Variants in TSC2 observed in about 807,000 individuals in gnomAD.
TSC2 encodes the protein TSC complex subunit 2, also known as tuberin.
TSC2 carries 29 observed loss-of-function variants against 202.2 expected under a neutral mutation model. The observed-to-expected ratio is 0.14, with a 90% CI of 0.11 to 0.20. TSC2 has a LOEUF of 0.20. Among genes scored for constraint, TSC2 ranks in the 10% least tolerant of loss-of-function variants. The pLI, the probability that TSC2 is intolerant of heterozygous loss-of-function variation, is 1.00. For missense variants in TSC2, 2,429 were observed against 2,420.0 expected, an observed-to-expected ratio of 1.00 and a Z score of -0.08; for synonymous variants, 1,349 against 1,044.0, an observed-to-expected ratio of 1.29 and a Z score of -5.63.
chr16:2,078,844 C>G, intron 26 of TSC2, 188 bp from the exon 27 acceptor site: 1 of 717,028 alleles, frequency 1.4e-6, no homozygotes, highest in African/African-American at 1.7e-5. Context: ...CCCAGCGTCT[C>G]CCCGTTCTCT....
In TSC2 at chr16:2,084,323, T is replaced by G. The variant is rs2151523155; in HGVS notation, c.4101T>G (p.Gly1367=). The change falls in exon 34 of 42, where the codon GGT becomes GGG. Residue 1367 remains glycine (G), a synonymous_variant. Transcript: ENST00000219476. ...IPIERVVSSE[G]GRPSVDLSFQ... ...TCGAGCGAGTCGTCTCCTCGGAGGG[T>G]GGCCGGCCCTCTGTGGACCTCTCCT... 4 of 1,612,566 alleles carry G rather than the reference T, an allele frequency of 2.5e-6. No homozygotes were observed. Among genetic ancestry groups the G allele is most frequent in the Non-Finnish European group, 3.4e-6 (4 of 1,179,918 alleles).
chr16:2,055,957 T>G, intron 6 of TSC2: 3 of 588,702 alleles, frequency 5.1e-6, no homozygotes, highest in Non-Finnish European at 9.3e-6. Context: ...GATGTCTTGG[T>G]TATCTTTTTG....
chr16:2,089,069 CTG>C lies in TSC2; in HGVS notation c.*460_*461del. Reference sequence around the variant, plus strand: ...GGGGCAAGGGAGGATGACAAGGCCTCTGGGGTGATGAGAGTGCCTGGCAGACA... The same window carrying C: ...GGGGCAAGGGAGGATGACAAGGCCTCGGGTGATGAGAGTGCCTGGCAGACA... On this transcript the variant is annotated 3_prime_UTR_variant, in exon 42 of 42. Transcript: ENST00000219476. 5.3e-6 allele frequency: 1 copy of C among 187,252 alleles called. No individual in the cohort carries two copies. Among genetic ancestry groups the C allele is most frequent in the Non-Finnish European group, 1.1e-5 (1 of 88,774 alleles). 11.6% of individuals were successfully genotyped at this position (187,252 alleles called of 1,614,324 possible).
chr16:2,080,546 C>G lies in TSC2; in HGVS notation c.3610+169C>G. ...TGGCCCACGCTGGAACGCAGTGGCG[C>G]AATCTCGGCTCACTGCAAGCTCCAC... On this transcript the variant is annotated intron_variant, in intron 30 of 41. Coordinates refer to ENST00000219476, the MANE Select transcript of TSC2 (RefSeq NM_000548.5). The G allele has an allele frequency of 4.0e-6, 3 of 757,970 alleles. 1 individual carries two copies. The highest frequency in any genetic ancestry group is 3.7e-5 in the South Asian group (2 of 53,480). The allele number at this position is 757,970 out of a possible 1,614,324, so 47.0% of individuals were successfully genotyped here.
chr16:2,063,473 T>G, intron 14 of TSC2: 2 of 294,502 alleles, frequency 6.8e-6, no homozygotes, highest in South Asian at 3.5e-5. Flanking sequence ...CCCTCTCCAC[T>G]CCCTCCTCTG....
At chr16:2,066,227 C>G (rs2087336389) in intron 16 of TSC2, 1 of 156,052 alleles carries the variant, frequency 6.4e-6, no homozygotes, top group Admixed American at 6.1e-5. Context: ...AGTGGAATCA[C>G]ACAAAATTCA....
chr16:2,048,185 A>G (rs1436372864), intron 1 of TSC2, 120 bp downstream of exon 1: 3 of 1,535,924 alleles, frequency 2.0e-6, no homozygotes, highest in Non-Finnish European at 2.6e-6. Flanking sequence ...CCGACTCCGG[A>G]GCTCCGAGCA....
intron 26 of TSC2, chr16:2,078,539 G>A (rs2089709814): frequency 8.9e-6 from 2 of 223,856 alleles, no homozygotes; most frequent in South Asian, 6.7e-5. Flanking sequence ...ATTTGTATCA[G>A]AATGAACTCC....
intron 3 of TSC2, among the ~76,000 whole-genome samples, chr16:2,052,668 G>T (rs529945952): frequency 6.6e-6 from 1 of 152,328 alleles, no homozygotes; most frequent in East Asian, 1.9e-4. Flanking sequence ...TGAGCCTGTG[G>T]TCTGAAAGCC....
intron 14 of TSC2, 37 bp from the exon 15 acceptor site, chr16:2,064,235 G>C: frequency 6.2e-7 from 1 of 1,613,700 alleles, no homozygotes; most frequent in South Asian, 1.1e-5. Flanking sequence ...GGCCCTCGTT[G>C]GGCTGGCGCT....
intron 30 of TSC2, chr16:2,081,247 G>C (rs2090108344): frequency 2.6e-6 from 1 of 390,178 alleles, no homozygotes; most frequent in South Asian, 2.2e-5. Context: ...ACAGAGGGAG[G>C]CCTTTGCAGA....
rs1425746843 is a variant in TSC2, at chr16:2,058,926, A to G, written c.975+53A>G. On this transcript the variant is annotated intron_variant, in intron 10 of 41. Transcript: ENST00000219476. The stretch of plus-strand genomic sequence containing the variant: ...TGGCAGGAACGGGAGAGCTCCCCTC[A>G]CGCCTGCCCACCCATCCCACTGGGG... 4.4e-6 allele frequency: 7 copies of G among 1,578,106 alleles called. No individual in the cohort carries two copies. The African/African-American group carries it at 8.0e-5, about 18-fold the overall frequency.
intron 1 of TSC2, chr16:2,048,269 C>G (rs2084607804): frequency 1.6e-6 from 2 of 1,238,754 alleles, no homozygotes; most frequent in Admixed American, 2.0e-5. Flanking sequence ...TCCTGCTTCA[C>G]ATGGGTAGAG....
At chr16:2,070,679 TG>T in intron 17 of TSC2, 101 bp downstream of exon 17, 1 of 1,571,606 alleles carries the variant, frequency 6.4e-7, no homozygotes, top group South Asian at 1.2e-5. Flanking sequence ...GGCCCCAGGA[TG>T]GGGCCTCAGC....
At chr16:2,059,634 C>G (rs1217604102) in intron 10 of TSC2, among the ~76,000 whole-genome samples, 3 of 151,906 alleles carry the variant, frequency 2.0e-5, no homozygotes, top group Non-Finnish European at 4.4e-5. Context: ...ATTCTCCTGC[C>G]TCAGCCTCCT....
intron 11 of TSC2, 126 bp downstream of exon 11, chr16:2,060,939 C>A: frequency 6.4e-6 from 8 of 1,258,816 alleles, no homozygotes; most frequent in Non-Finnish European, 8.9e-6. Flanking sequence ...ACCGTGTTCT[C>A]TGGTGATTCG....
chr16:2,048,368 GAGT>G (rs1455775996), intron 1 of TSC2: 4 of 862,038 alleles, frequency 4.6e-6, no homozygotes, highest in Non-Finnish European at 7.7e-6. Context: ...GGCAGCGTCT[GAGT>G]AGAGAGCTCT....
intron 2 of TSC2, among the ~76,000 whole-genome samples, chr16:2,049,484 T>G (rs751523178): frequency 6.6e-6 from 1 of 152,230 alleles, no homozygotes; most frequent in Non-Finnish European, 1.5e-5. Flanking sequence ...CTTGTAAAGT[T>G]TTCTACTTAG....
At chr16:2,067,444 G>A (rs2087546940) in intron 16 of TSC2, among the ~76,000 whole-genome samples, 1 of 151,062 alleles carries the variant, frequency 6.6e-6, no homozygotes, top group African/African-American at 2.4e-5. Context: ...TTACAGGCAT[G>A]AGCCACCACA....
Sources: gnomAD v4.1 joint callset for allele counts (sites outside exome capture counted in the v4.1 genomes callset) on GRCh38, gnomAD v4.1.1 for gene constraint, MANE v1.5 for transcripts, NCBI Gene and HGNC (gene_info 2026-07-23, HGNC 2026-07-21) for gene names.